OVOL1: variants seen among roughly 807,000 people sequenced by gnomAD.
The protein encoded by OVOL1 is putative transcription factor Ovo-like 1.
In OVOL1, 10 loss-of-function variants were observed where a neutral mutation model predicts 21.5. That is an observed-to-expected ratio of 0.46 (90% CI 0.29 to 0.79). The LOEUF (loss-of-function observed/expected upper bound fraction) is 0.79. Ranked by LOEUF, OVOL1 falls within the 30% of genes least tolerant of loss-of-function variation. The pLI, the probability that OVOL1 is intolerant of heterozygous loss-of-function variation, is 0.10. For synonymous variants in OVOL1, 129 were observed against 150.3 expected (o/e 0.86, Z 1.03); for missense variants, 279 against 362.3 (o/e 0.77, Z 1.87).
chr11:65,787,729 G>A (rs935723801), intron 1 of OVOL1, among the ~76,000 whole-genome samples: 1 of 152,034 alleles, frequency 6.6e-6, no homozygotes, highest in Admixed American at 6.5e-5. Flanking sequence ...GGGCCAGGGG[G>A]CGCGGAACCG....
At chr11:65,789,510 G>A (rs1476357057) in intron 1 of OVOL1, 1 of 191,474 alleles carries the variant, frequency 5.2e-6, no homozygotes, top group African/African-American at 2.4e-5. Context: ...CCACTGGAGA[G>A]TTTTCCCACA....
At chr11:65,793,511 G>A (rs1197633047) in intron 1 of OVOL1, among the ~76,000 whole-genome samples, 1 of 152,238 alleles carries the variant, frequency 6.6e-6, no homozygotes, top group Non-Finnish European at 1.5e-5. Flanking sequence ...TGCAACAGCA[G>A]GGACCGGCCT....
chr11:65,793,188 C>T (rs144354706), intron 1 of OVOL1, among the ~76,000 whole-genome samples: 17 of 152,360 alleles, frequency 1.1e-4, no homozygotes, highest in African/African-American at 1.9e-4. Flanking sequence ...TTCTGGTCCT[C>T]TCTAGTCAGC....
At chr11:65,791,113 G>C (rs1334895130) in intron 1 of OVOL1, among the ~76,000 whole-genome samples, 3 of 151,854 alleles carry the variant, frequency 2.0e-5, no homozygotes, top group African/African-American at 7.3e-5. Context: ...AAAAGCGGTT[G>C]GGAAAGAGGG....
Position 65,787,267 on chromosome 11 carries a change from T to TAA in OVOL1, c.-107_-106insAA. 1 of 914,950 alleles carries TAA rather than the reference T, an allele frequency of 1.1e-6. No individual in the cohort carries two copies. The allele number at this position is 914,950 out of a possible 1,614,324, so 56.7% of individuals were successfully genotyped here. On this transcript the variant is annotated 5_prime_UTR_variant, in exon 1 of 4. Coordinates refer to ENST00000335987, the MANE Select transcript of OVOL1 (RefSeq NM_004561.4). ...ACGTGGGGGCGCCTTAGCGACTCCTTCCCTGTTGTGCCCCCGTTCCCGGCG... is the reference window on the plus strand; with the variant it reads ...ACGTGGGGGCGCCTTAGCGACTCCTTAACCCTGTTGTGCCCCCGTTCCCGGCG...
At chr11:65,790,987 G>C (rs1858005135) in intron 1 of OVOL1, 1 of 152,578 alleles carries the variant, frequency 6.6e-6, no homozygotes, top group South Asian at 2.1e-4. Context: ...AGAGGCACTG[G>C]GCCTGTGCCT....
chr11:65,794,289 A>T, intron 2 of OVOL1, 41 bp downstream of exon 2: 1 of 1,536,338 alleles, frequency 6.5e-7, no homozygotes, highest in Admixed American at 1.7e-5. Context: ...GGGGGCGTGC[A>T]TGTAGACCTG....
chr11:65,788,406 G>T lies in OVOL1; in HGVS notation c.100+933G>T. The T allele has an allele frequency of 3.1e-6, 3 of 976,686 alleles. No homozygotes were observed. In the South Asian group the frequency reaches 1.4e-4, roughly 46 times the overall value. 60.5% of individuals were successfully genotyped at this position (976,686 alleles called of 1,614,324 possible). A position where few individuals can be genotyped will look rare whatever the true frequency, so the allele number is the denominator to read the frequency against. On this transcript the variant is annotated intron_variant, in intron 1 of 3. Coordinates refer to ENST00000335987, the MANE Select transcript of OVOL1 (RefSeq NM_004561.4). ...GTCTGGAGAAAGCCTGCTTCCTTCC[G>T]AACGCCCCCTCCCCAGGCCTTGGGG...
rs1858118464 is a variant in OVOL1 at position 65,795,676 on chromosome 11, T to TA, written c.*336dup. ...CTGTGTGCCTGGCAGCAGGACTTCC[T>TA]ACCCAGAGGAGGTTCGAGCTAGGAT... On this transcript the variant is annotated 3_prime_UTR_variant, in exon 4 of 4. Transcript: ENST00000335987. This position sits in a 1 kb window ranked among gnomAD's most constrained non-coding sequence, Gnocchi z 5.7. The TA allele has an allele frequency of 2.6e-6, 1 of 379,950 alleles. No individual in the cohort carries two copies. Among genetic ancestry groups the TA allele is most frequent in the African/African-American group, 2.0e-5 (1 of 49,336 alleles). The allele number at this position is 379,950 out of a possible 1,614,324, so 23.5% of individuals were successfully genotyped here.
intron 1 of OVOL1, chr11:65,789,762 G>A (rs1157923419): frequency 3.2e-6 from 3 of 938,718 alleles, no homozygotes; most frequent in Non-Finnish European, 3.8e-6. Flanking sequence ...GAGTGTTTGA[G>A]TTCTGACCTT....
In OVOL1 at chr11:65,795,265, G is replaced by T. The variant is rs751245642; in HGVS notation, c.728G>T (p.Arg243Leu). 2 of 1,613,464 alleles carry T rather than the reference G, an allele frequency of 1.2e-6. No homozygotes were observed. The highest frequency in any genetic ancestry group is 1.7e-6 in the Non-Finnish European group (2 of 1,179,978). The change falls in exon 4 of 4, where the codon CGC becomes CTC. Residue 243 changes from arginine to leucine, a missense_variant. By Grantham distance (102) the Arg-to-Leu change is moderately radical (BLOSUM62 -2). Coordinates refer to ENST00000335987, the MANE Select transcript of OVOL1 (RefSeq NM_004561.4). The surrounding 1 kb of genome is among the most constrained non-coding windows in gnomAD (Gnocchi z 5.7). ...KEHHPDSPLL[R>L]KTSKKVAVAL... ...CACCACCCTGACAGCCCGCTGCTGC[G>T]CAAGACCTCCAAGAAGGTGGCCGTG...
rs1858142227 is a variant in OVOL1, at chr11:65,796,763, A to G, written c.*1422A>G. ...GTGTGCGTCTTGTGGGCCAAAGGGA[A>G]AAACAGGCAGGGGTCAGAGCCAGCC... On this transcript the variant is annotated 3_prime_UTR_variant, in exon 4 of 4. Transcript: ENST00000335987. 6.6e-6 allele frequency: 1 copy of G among 152,202 alleles called. No individual in the cohort carries two copies. Among genetic ancestry groups the G allele is most frequent in the East Asian group, 1.9e-4 (1 of 5,180 alleles). 9.4% of individuals were successfully genotyped at this position (152,202 alleles called of 1,614,324 possible). A position where few individuals can be genotyped will look rare whatever the true frequency, so the allele number is the denominator to read the frequency against.
intron 3 of OVOL1, 78 bp from the exon 4 acceptor site, chr11:65,794,968 C>T (rs938310536): frequency 5.6e-5 from 82 of 1,470,704 alleles, no homozygotes; most frequent in Non-Finnish European, 7.4e-5. Flanking sequence ...GGGTCCTGTC[C>T]TTTCTGTGTC....
At position 65,796,885 on chromosome 11, in the gene OVOL1, C is replaced by G. The variant is rs1858144260; in HGVS notation, c.*1544C>G. On this transcript the variant is annotated 3_prime_UTR_variant, in exon 4 of 4. Coordinates refer to ENST00000335987, the MANE Select transcript of OVOL1 (RefSeq NM_004561.4). ...CTGAAGCAGAACCACTTTGGCCTCC[C>G]CTGCCCAAAATGGGTAGTGTCTACA... is the stretch of plus-strand genomic sequence containing the variant. The G allele has an allele frequency of 6.6e-6, 1 of 152,274 alleles. No individual in the cohort carries two copies. Among genetic ancestry groups the G allele is most frequent in the South Asian group, 2.1e-4 (1 of 4,834 alleles). 9.4% of individuals were successfully genotyped at this position (152,274 alleles called of 1,614,324 possible). A position where few individuals can be genotyped will look rare whatever the true frequency, so the allele number is the denominator to read the frequency against.
At chr11:65,793,956 G>A in intron 1 of OVOL1, 75 bp from the exon 2 acceptor site, 1 of 1,220,280 alleles carries the variant, frequency 8.2e-7, no homozygotes. Flanking sequence ...CCGTCTCATG[G>A]CTAGGGAAGT....
At chr11:65,791,649 C>T (rs1353785769) in intron 1 of OVOL1, among the ~76,000 whole-genome samples, 1 of 152,234 alleles carries the variant, frequency 6.6e-6, no homozygotes, top group African/African-American at 2.4e-5. Context: ...GGTGTCCGTG[C>T]CTCTGCTCTG....
Position 65,787,346 on chromosome 11 carries a change from G to T in OVOL1, c.-28G>T. On this transcript the variant is annotated 5_prime_UTR_variant, in exon 1 of 4. Coordinates refer to ENST00000335987, the MANE Select transcript of OVOL1 (RefSeq NM_004561.4). ...GCTCCCGGCTTCAGTTACGGAAGCG[G>T]CCCGTGTCCAGCGACGAGGGTTCGA... The T allele has an allele frequency of 6.5e-7, 1 of 1,544,964 alleles. No homozygotes were observed. The highest frequency in any genetic ancestry group is 8.8e-7 in the Non-Finnish European group (1 of 1,140,582).
chr11:65,787,394 G>A lies in OVOL1; in HGVS notation c.21G>A (p.Val7=). MPRAFL[V]KKPCVSTCKR... ...CGAAAATGCCCCGCGCGTTCCTGGT[G>A]AAGAAGCCGTGCGTCTCCACGTGCA... Residue 7 remains valine (V), a synonymous_variant, in exon 1 of 4, where the codon GTG becomes GTA. Transcript: ENST00000335987. 1.3e-6 allele frequency: 2 copies of A among 1,594,130 alleles called. No individual in the cohort carries two copies. The highest frequency in any genetic ancestry group is 1.7e-6 in the Non-Finnish European group (2 of 1,170,760).
At position 65,787,388 on chromosome 11, in the gene OVOL1, C is replaced by T. The variant is rs1218981126; in HGVS notation, c.15C>T (p.Phe5=). 1.9e-6 allele frequency: 3 copies of T among 1,592,540 alleles called. No individual in the cohort carries two copies. Among genetic ancestry groups the T allele is most frequent in the Non-Finnish European group, 1.7e-6 (2 of 1,170,054 alleles). The change falls in exon 1 of 4, where the codon TTC becomes TTT. Residue 5 remains phenylalanine, a synonymous_variant. Transcript: ENST00000335987. ...AGGGTTCGAAAATGCCCCGCGCGTTCCTGGTGAAGAAGCCGTGCGTCTCCA... is the reference window on the plus strand; with the variant it reads ...AGGGTTCGAAAATGCCCCGCGCGTTTCTGGTGAAGAAGCCGTGCGTCTCCA... MPRA[F]LVKKPCVSTC... is the part of the protein sequence containing the mutation.
Sources: gnomAD v4.1 joint callset for allele counts (sites outside exome capture counted in the v4.1 genomes callset) on GRCh38, gnomAD v4.1.1 for gene constraint, Gnocchi (gnomAD v3.1) non-coding constraint, MANE v1.5 for transcripts, NCBI Gene and HGNC (gene_info 2026-07-23, HGNC 2026-07-21) for gene names.